Variants in BARD1 observed in about 807,000 individuals in gnomAD.
BARD1 encodes the protein BRCA1 associated RING domain 1.
A neutral mutation model predicts 77.0 loss-of-function variants in BARD1; 73 were observed. The ratio of observed to expected loss-of-function variants is 0.95; its 90% CI spans 0.79 to 1.15. BARD1 has a LOEUF of 1.15. Among genes scored for constraint, BARD1 ranks in the 50% most tolerant of loss-of-function variants. The probability of loss-of-function intolerance (pLI) is 0.00; values close to 1 mark genes in which losing one functional copy is unlikely to be tolerated. For synonymous variants in BARD1, 384 were observed against 338.0 expected (o/e 1.14, Z -1.49); for missense variants, 993 against 938.8 (o/e 1.06, Z -0.75).
intron 6 of BARD1, among the ~76,000 whole-genome samples, chr2:214,756,604 T>G (rs995349439): frequency 1.3e-5 from 2 of 152,088 alleles, no homozygotes; most frequent in Non-Finnish European, 2.9e-5. Flanking sequence ...AATGAGTGGA[T>G]AAAGAAACTG....
chr2:214,747,898 T>TA (rs1433184518), intron 7 of BARD1, among the ~76,000 whole-genome samples: 1 of 151,090 alleles, frequency 6.6e-6, no homozygotes, highest in Non-Finnish European at 1.5e-5. Context: ...ATAAAAAAAT[T>TA]AAAAAAGGAA....
At chr2:214,734,086 G>A (rs538623846) in intron 9 of BARD1, among the ~76,000 whole-genome samples, 2 of 152,138 alleles carry the variant, frequency 1.3e-5, no homozygotes, top group African/African-American at 4.8e-5. Flanking sequence ...GTATTTCAAT[G>A]TTAAAAGCAA....
In BARD1 at chr2:214,745,166, T is replaced by C. The variant is rs864622487; in HGVS notation, c.1811-7A>G. The C allele has an allele frequency of 6.8e-6, 11 of 1,611,806 alleles. No homozygotes were observed. Among genetic ancestry groups the C allele is most frequent in the Non-Finnish European group, 4.2e-6 (5 of 1,178,034 alleles). ...GGAACAACAACATGAGTTACTAAAA[T>C]ACAAAAAAAGCAGTAAGAGAAAGAA... is the stretch of plus-strand genomic sequence containing the variant. On this transcript the variant is annotated splice_region_variant and splice_polypyrimidine_tract_variant and intron_variant, in intron 8 of 10. Transcript: ENST00000260947.
At chr2:214,756,642 T>A (rs1287512155) in intron 6 of BARD1, among the ~76,000 whole-genome samples, 1 of 152,212 alleles carries the variant, frequency 6.6e-6, no homozygotes, top group Non-Finnish European at 1.5e-5. Context: ...AGAATACCAC[T>A]CAGCCATAAA....
intron 1 of BARD1, among the ~76,000 whole-genome samples, chr2:214,797,653 G>T (rs73084581): frequency 2.6e-5 from 4 of 152,020 alleles, no homozygotes; most frequent in Admixed American, 1.3e-4. Flanking sequence ...CATTTTGACC[G>T]TAAGAATCCA....
chr2:214,742,107 C>T (rs1207350694), intron 9 of BARD1, among the ~76,000 whole-genome samples: 1 of 152,168 alleles, frequency 6.6e-6, no homozygotes, highest in Non-Finnish European at 1.5e-5. Context: ...TGGACAGACT[C>T]AAACATGAGA....
chr2:214,788,196 T>TTA (rs397703444), intron 3 of BARD1, among the ~76,000 whole-genome samples: 2 of 151,668 alleles, frequency 1.3e-5, no homozygotes, highest in Non-Finnish European at 2.9e-5. Context: ...ATTTTTTTTT[T>TTA]AATGTCACCA....
At chr2:214,747,325 A>G (rs1456484793) in intron 7 of BARD1, among the ~76,000 whole-genome samples, 1 of 146,574 alleles carries the variant, frequency 6.8e-6, no homozygotes, top group Non-Finnish European at 1.5e-5. Flanking sequence ...AGAACTGGAA[A>G]TACCATTTGA....
rs1060501305 is a variant in BARD1, at chr2:214,809,442, C to G, written c.128G>C (p.Arg43Pro). Residue 43 changes from arginine (R) to proline (P), a missense_variant, in exon 1 of 11, where the codon CGC (arginine) becomes CCC (proline). Coordinates refer to ENST00000260947, the MANE Select transcript of BARD1 (RefSeq NM_000465.4). ...AWAHSRAALD[R>P]LEKLLRCSRC... ...CGAGCAGCGCAGCAGCTTCTCCAGG[C>G]GGTCGAGCGCGGCGCGACTGTGGGC... 1 of 1,611,866 alleles carries G rather than the reference C, an allele frequency of 6.2e-7. No homozygotes were observed. The highest frequency in any genetic ancestry group is 1.3e-5 in the African/African-American group (1 of 75,048).
chr2:214,793,891 C>T (rs968975155), intron 2 of BARD1, among the ~76,000 whole-genome samples: 1 of 151,976 alleles, frequency 6.6e-6, no homozygotes, highest in Non-Finnish European at 1.5e-5. Flanking sequence ...AATGAAATTT[C>T]ATGTAACAGA....
intron 1 of BARD1, among the ~76,000 whole-genome samples, chr2:214,802,501 A>C (rs1374567545): frequency 2.0e-5 from 3 of 152,150 alleles, no homozygotes; most frequent in Non-Finnish European, 4.4e-5. Flanking sequence ...TCTGTATTTT[A>C]ACTTCCTGAT....
At chr2:214,796,772 AAAC>A in intron 2 of BARD1, 1 of 357,498 alleles carries the variant, frequency 2.8e-6, no homozygotes, top group Non-Finnish European at 5.1e-6. Context: ...GAAAATTTAA[AAAC>A]ATCTATTTGA....
chr2:214,732,924 G>A (rs1481745421), intron 9 of BARD1, among the ~76,000 whole-genome samples: 2 of 151,916 alleles, frequency 1.3e-5, no homozygotes, highest in Non-Finnish European at 2.9e-5. Context: ...TGAAAAAACT[G>A]GTACTTTCTG....
At chr2:214,764,116 C>A (rs920086316) in intron 6 of BARD1, among the ~76,000 whole-genome samples, 5 of 152,206 alleles carry the variant, frequency 3.3e-5, no homozygotes, top group Non-Finnish European at 5.9e-5. Context: ...GACATCTTGT[C>A]ACACAGTAAA....
At chr2:214,790,166 G>A (rs1439589140) in intron 3 of BARD1, among the ~76,000 whole-genome samples, 1 of 151,950 alleles carries the variant, frequency 6.6e-6, no homozygotes, top group Admixed American at 6.6e-5. Flanking sequence ...GCACCCCTAT[G>A]GTATGCCATA....
chr2:214,740,794 C>T (rs1274263174), intron 9 of BARD1, among the ~76,000 whole-genome samples: 1 of 151,968 alleles, frequency 6.6e-6, no homozygotes, highest in Non-Finnish European at 1.5e-5. Flanking sequence ...ATTCTCAGAA[C>T]TGGGACTATT....
chr2:214,757,314 T>C (rs577278523), intron 6 of BARD1, among the ~76,000 whole-genome samples: 105 of 152,138 alleles, frequency 6.9e-4, no homozygotes, highest in African/African-American at 2.5e-3. Flanking sequence ...TAATGTACTC[T>C]TGCGCTATTC....
chr2:214,795,889 C>T (rs1427166916), intron 2 of BARD1, among the ~76,000 whole-genome samples: 1 of 152,130 alleles, frequency 6.6e-6, no homozygotes, highest in Non-Finnish European at 1.5e-5. Flanking sequence ...ATCTGGTAGG[C>T]AACAGGTTCC....
chr2:214,733,326 C>A (rs546451053), intron 9 of BARD1, among the ~76,000 whole-genome samples: 2 of 152,266 alleles, frequency 1.3e-5, no homozygotes, highest in East Asian at 3.9e-4. Context: ...AGACCCAAGT[C>A]TAAAAAAGAA....
Sources: allele counts gnomAD v4.1 joint callset (sites outside exome capture counted in the v4.1 genomes callset), GRCh38; gene constraint gnomAD v4.1.1; transcripts MANE v1.5; gene names NCBI Gene and HGNC (gene_info 2026-07-23, HGNC 2026-07-21).